Variants in CFDP1 observed in about 807,000 individuals in gnomAD.
CFDP1 encodes the protein chromatin remodeling protein CFDP1.
In CFDP1, 31 loss-of-function variants were observed where a neutral mutation model predicts 40.1. The observed-to-expected ratio is 0.77, with a 90% CI of 0.58 to 1.04. The LOEUF is 1.04. Ranked by LOEUF, CFDP1 falls within the 50% of genes least tolerant of loss-of-function variation. The pLI is 0.00. For synonymous variants in CFDP1, 167 were observed against 120.0 expected, an observed-to-expected ratio of 1.39 and a Z score of -2.56; for missense variants, 423 against 343.4, an observed-to-expected ratio of 1.23 and a Z score of -1.83.
chr16:75,313,126 C>T (rs554476126), intron 5 of CFDP1, among the ~76,000 whole-genome samples: 46 of 152,094 alleles, frequency 3.0e-4, no homozygotes, highest in Non-Finnish European at 5.3e-4. Context: ...CAAAGAGTAA[C>T]GTGTTGTTTG....
intron 6 of CFDP1, among the ~76,000 whole-genome samples, chr16:75,298,849 A>T (rs940846968): frequency 6.6e-6 from 1 of 152,128 alleles, no homozygotes; most frequent in Non-Finnish European, 1.5e-5. Flanking sequence ...GAGTCATGAA[A>T]ATATATTTTT....
At position 75,293,869 on chromosome 16, in the gene CFDP1, G is replaced by T; in HGVS notation, c.*83C>A. ...GACCTTGCTGGGAAACAGATGATGAGAAACACTGTAAAACATTTCACAGAC... is the reference window on the plus strand; with the variant it reads ...GACCTTGCTGGGAAACAGATGATGATAAACACTGTAAAACATTTCACAGAC... On this transcript the variant is annotated 3_prime_UTR_variant, in exon 7 of 7. Transcript: ENST00000283882. The T allele has an allele frequency of 1.8e-6, 2 of 1,136,962 alleles. No individual in the cohort carries two copies. The highest frequency in any genetic ancestry group is 2.6e-6 in the Non-Finnish European group (2 of 768,988). The allele number at this position is 1,136,962 out of a possible 1,614,324, so 70.4% of individuals were successfully genotyped here.
chr16:75,383,943 G>A (rs2078872097), intron 5 of CFDP1, among the ~76,000 whole-genome samples: 2 of 151,146 alleles, frequency 1.3e-5, no homozygotes, highest in African/African-American at 4.9e-5. Flanking sequence ...TTGATAATTT[G>A]ATACAATATG....
chr16:75,334,314 C>A (rs1465616500), intron 5 of CFDP1, among the ~76,000 whole-genome samples: 1 of 151,816 alleles, frequency 6.6e-6, no homozygotes, highest in East Asian at 1.9e-4. Flanking sequence ...TTTAAAACAA[C>A]AGACGGGTAA....
intron 5 of CFDP1, among the ~76,000 whole-genome samples, chr16:75,361,808 C>G (rs545889934): frequency 2.0e-5 from 3 of 152,254 alleles, no homozygotes; most frequent in African/African-American, 7.2e-5. Flanking sequence ...TGTCTGGTTT[C>G]TTTTTGAATT....
At chr16:75,301,057 A>G (rs557657671) in intron 6 of CFDP1, among the ~76,000 whole-genome samples, 1 of 152,310 alleles carries the variant, frequency 6.6e-6, no homozygotes, top group South Asian at 2.1e-4. Context: ...GCTTTCCAGT[A>G]AGGCCTGAGG....
chr16:75,314,963 G>A (rs1006334845), intron 5 of CFDP1, among the ~76,000 whole-genome samples: 8 of 152,106 alleles, frequency 5.3e-5, no homozygotes, highest in Non-Finnish European at 2.9e-5. Context: ...TGTTGGCCAG[G>A]TTGGTCTTGA....
intron 5 of CFDP1, among the ~76,000 whole-genome samples, chr16:75,351,352 G>A (rs943654921): frequency 6.6e-6 from 1 of 152,188 alleles, no homozygotes; most frequent in African/African-American, 2.4e-5. Flanking sequence ...GTTTCCCACA[G>A]AAAGAAAGCA....
chr16:75,395,883 G>T (rs1597380873), intron 4 of CFDP1, among the ~76,000 whole-genome samples: 1 of 150,554 alleles, frequency 6.6e-6, no homozygotes, highest in East Asian at 2.0e-4. Context: ...GAGTCCTAAA[G>T]GTTCAAATAA....
At chr16:75,315,571 T>C (rs2078319152) in intron 5 of CFDP1, among the ~76,000 whole-genome samples, 1 of 152,060 alleles carries the variant, frequency 6.6e-6, no homozygotes, top group Admixed American at 6.6e-5. Flanking sequence ...TCCCCCCAAC[T>C]TTATAGTTTG....
At chr16:75,312,858 G>T (rs1358113042) in intron 5 of CFDP1, among the ~76,000 whole-genome samples, 1 of 152,198 alleles carries the variant, frequency 6.6e-6, no homozygotes, top group Non-Finnish European at 1.5e-5. Context: ...CCCAAAAGCA[G>T]TAGAGGTACT....
chr16:75,409,179 G>C (rs1263657212), intron 4 of CFDP1, among the ~76,000 whole-genome samples: 1 of 152,070 alleles, frequency 6.6e-6, no homozygotes, highest in Non-Finnish European at 1.5e-5. Flanking sequence ...TTTAATAACA[G>C]AATAAAAGGT....
intron 4 of CFDP1, among the ~76,000 whole-genome samples, chr16:75,403,603 T>G (rs2079073758): frequency 6.6e-6 from 1 of 152,190 alleles, no homozygotes; most frequent in African/African-American, 2.4e-5. Context: ...AATAAATCTT[T>G]CTTAGTCTGC....
At chr16:75,421,203 G>C (rs1035669358) in intron 1 of CFDP1, among the ~76,000 whole-genome samples, 1 of 152,124 alleles carries the variant, frequency 6.6e-6, no homozygotes, top group Non-Finnish European at 1.5e-5. Context: ...CTGCAAGGCA[G>C]GAAGCACAGC....
chr16:75,368,704 C>T (rs2078733023), intron 5 of CFDP1, among the ~76,000 whole-genome samples: 2 of 150,172 alleles, frequency 1.3e-5, no homozygotes, highest in Non-Finnish European at 3.0e-5. Flanking sequence ...TTTTTTTAGA[C>T]AGGGTCTCAC....
At chr16:75,298,572 A>G (rs1415610104) in intron 6 of CFDP1, among the ~76,000 whole-genome samples, 1 of 152,244 alleles carries the variant, frequency 6.6e-6, no homozygotes, top group African/African-American at 2.4e-5. Context: ...GCATTTTCCA[A>G]CACCACAAAG....
intron 5 of CFDP1, among the ~76,000 whole-genome samples, chr16:75,392,219 C>G (rs919293026): frequency 6.6e-6 from 1 of 151,946 alleles, no homozygotes; most frequent in Non-Finnish European, 1.5e-5. Flanking sequence ...GCCTGGCCAA[C>G]ATAGTGAAAC....
chr16:75,346,635 T>C (rs1362917917), intron 5 of CFDP1, among the ~76,000 whole-genome samples: 1 of 129,222 alleles, frequency 7.7e-6, no homozygotes, highest in African/African-American at 3.0e-5. Context: ...GTGGACAGGA[T>C]GAAGGAAGCA....
At chr16:75,298,107 C>T (rs902398851) in intron 6 of CFDP1, among the ~76,000 whole-genome samples, 2 of 152,184 alleles carry the variant, frequency 1.3e-5, no homozygotes, top group African/African-American at 2.4e-5. Context: ...AAAATTACCT[C>T]CAGGCTTTGT....
Sources: allele counts gnomAD v4.1 joint callset (sites outside exome capture counted in the v4.1 genomes callset), GRCh38; gene constraint gnomAD v4.1.1; transcripts MANE v1.5; gene names NCBI Gene and HGNC (gene_info 2026-07-23, HGNC 2026-07-21).